MYO9A: variants seen among roughly 807,000 people sequenced by gnomAD.
MYO9A encodes myosin IXA, also known as unconventional myosin-IXa.
A neutral mutation model predicts 293.3 loss-of-function variants in MYO9A; 103 were observed. That is an observed-to-expected ratio of 0.35 (90% CI 0.30 to 0.41). The LOEUF (loss-of-function observed/expected upper bound fraction) is 0.41, where lower values mean the gene tolerates loss of function less well. Ranked by LOEUF, MYO9A falls within the 10% of genes least tolerant of loss-of-function variation. The probability of loss-of-function intolerance (pLI) is 1.00; values close to 1 mark genes in which losing one functional copy is unlikely to be tolerated. For synonymous variants in MYO9A, 1,001 were observed against 1,035.7 expected (o/e 0.97, Z 0.64); for missense variants, 2,685 against 3,033.0 (o/e 0.89, Z 2.69).
intron 11 of MYO9A, among the ~76,000 whole-genome samples, chr15:71,980,998 A>G (rs1362838534): frequency 6.6e-6 from 1 of 152,238 alleles, no homozygotes; most frequent in Non-Finnish European, 1.5e-5. Flanking sequence ...CTAGTTTAAA[A>G]GAAAAAAAGG....
intron 18 of MYO9A, among the ~76,000 whole-genome samples, chr15:71,928,762 T>G (rs2058396216): frequency 6.6e-6 from 1 of 152,132 alleles, no homozygotes; most frequent in Admixed American, 6.5e-5. Flanking sequence ...GTTTATAAAA[T>G]GCTACTGATT....
At chr15:71,839,709 C>T (rs951413911) in intron 39 of MYO9A, among the ~76,000 whole-genome samples, 2 of 152,150 alleles carry the variant, frequency 1.3e-5, no homozygotes, top group Non-Finnish European at 1.5e-5. Flanking sequence ...TGTGCCTGGC[C>T]TGAATCGGCT....
intron 2 of MYO9A, among the ~76,000 whole-genome samples, chr15:72,038,009 A>G (rs2149526454): frequency 6.6e-6 from 1 of 150,996 alleles, no homozygotes; most frequent in Middle Eastern, 3.4e-3. Flanking sequence ...CAACTTCCTG[A>G]GCTCAAGCCA....
chr15:72,001,555 A>C (rs2076866284), intron 8 of MYO9A, among the ~76,000 whole-genome samples: 1 of 100,846 alleles, frequency 9.9e-6, no homozygotes, highest in Admixed American at 1.1e-4. Flanking sequence ...CTCCATCTCA[A>C]AAAAAAAAAA....
intron 13 of MYO9A, among the ~76,000 whole-genome samples, chr15:71,964,281 A>G (rs2075815971): frequency 6.6e-6 from 1 of 151,992 alleles, no homozygotes; most frequent in Non-Finnish European, 1.5e-5. Flanking sequence ...TTCTGGTCTT[A>G]TTTTTATACC....
intron 18 of MYO9A, among the ~76,000 whole-genome samples, chr15:71,923,341 G>C (rs2058206991): frequency 6.6e-6 from 1 of 152,020 alleles, no homozygotes; most frequent in Admixed American, 6.6e-5. Context: ...TTTCTTTTTT[G>C]TTGTGTTCTT....
chr15:71,846,607 G>A (rs1381640409), intron 39 of MYO9A, among the ~76,000 whole-genome samples: 1 of 152,182 alleles, frequency 6.6e-6, no homozygotes, highest in Non-Finnish European at 1.5e-5. Flanking sequence ...TAATGGGAAA[G>A]GGAAGTTTGA....
At position 71,999,874 on chromosome 15, in the gene MYO9A, T is replaced by A. The variant is rs1200257140; in HGVS notation, c.1447A>T (p.Ile483Phe). ...RKTVTVGEKLILPYKLAEAVT... is the reference protein window; with the variant it reads ...RKTVTVGEKLFLPYKLAEAVT... ...ACCTCTGCCAACTTGTATGGCAAAA[T>A]AAGCTTTTCTCCCACTGTCACCGTC... is the stretch of plus-strand genomic sequence containing the variant. The change falls in exon 9 of 42, where the codon ATT (isoleucine) becomes TTT (phenylalanine). Residue 483 changes from isoleucine (I) to phenylalanine (F), a missense_variant. Coordinates refer to ENST00000356056, the MANE Select transcript of MYO9A (RefSeq NM_006901.4). The A allele has an allele frequency of 6.2e-7, 1 of 1,612,232 alleles. No individual in the cohort carries two copies. The highest frequency in any genetic ancestry group is 2.2e-5 in the East Asian group (1 of 44,680).
chr15:71,948,917 G>T (rs553130049), intron 15 of MYO9A, among the ~76,000 whole-genome samples: 1 of 137,282 alleles, frequency 7.3e-6, no homozygotes, highest in African/African-American at 2.7e-5. Context: ...GACTCAAACT[G>T]CAAATACAGA....
Position 72,074,951 on chromosome 15 carries a change from C to CTTT in MYO9A, c.-71-28320_-71-28318dup, listed in dbSNP as rs750462703. Among the ~76,000 whole-genome samples the CTTT allele has an allele frequency of 8.5e-3, 450 of 53,122 alleles. 78 individuals are homozygous for CTTT. The highest frequency in any genetic ancestry group is 0.02 in the African/African-American group (275 of 13,658). The allele number at this position is 53,122 out of a possible 152,430, so 34.9% of individuals were successfully genotyped here. On this transcript the variant is annotated intron_variant, in intron 1 of 41. Transcript: ENST00000356056. Reference sequence around the variant, plus strand: ...CAGTTAGAAATTTCATTTTCACTGCCTTTTTTTTTTTTTTTTTTTTTTTTT... The same window carrying CTTT: ...CAGTTAGAAATTTCATTTTCACTGCCTTTTTTTTTTTTTTTTTTTTTTTTTTTT...
chr15:71,906,390 A>G (rs914236818), intron 19 of MYO9A, among the ~76,000 whole-genome samples: 3 of 152,190 alleles, frequency 2.0e-5, no homozygotes, highest in Admixed American at 2.0e-4. Context: ...TACCCTGTCA[A>G]TTACCAAGAG....
Position 72,099,422 on chromosome 15 carries a change from C to CAAAAA in MYO9A, c.-72+18253_-72+18257dup, listed in dbSNP as rs57019438. Among the ~76,000 whole-genome samples, 668 of 88,508 alleles carry CAAAAA rather than the reference C, an allele frequency of 7.5e-3. 20 individuals carry two copies. The highest frequency in any genetic ancestry group is 0.023 in the Middle Eastern group (2 of 88). 58.1% of individuals were successfully genotyped at this position (88,508 alleles called of 152,430 possible). A position where few individuals can be genotyped will look rare whatever the true frequency, so the allele number is the denominator to read the frequency against. On this transcript the variant is annotated intron_variant, in intron 1 of 41. Coordinates refer to ENST00000356056, the MANE Select transcript of MYO9A (RefSeq NM_006901.4). ...TGGGCAATAGAGCAAGACCCTGCCCCAAAAAAAAAAAAAAAAAAAAGAAAA... is the reference window on the plus strand; with the variant it reads ...TGGGCAATAGAGCAAGACCCTGCCCCAAAAAAAAAAAAAAAAAAAAAAAAAGAAAA...
chr15:72,088,048 T>C (rs1185211480), intron 1 of MYO9A, among the ~76,000 whole-genome samples: 1 of 152,086 alleles, frequency 6.6e-6, no homozygotes, highest in African/African-American at 2.4e-5. Context: ...AAAAAGGTCA[T>C]GGAAGGATAC....
intron 1 of MYO9A, among the ~76,000 whole-genome samples, chr15:72,101,138 G>C (rs2080291602): frequency 7.1e-6 from 1 of 140,606 alleles, no homozygotes; most frequent in East Asian, 2.3e-4. Flanking sequence ...CTCCCGCCCG[G>C]CCAGCCGCCC....
At chr15:71,964,263 G>A (rs1018003848) in intron 13 of MYO9A, among the ~76,000 whole-genome samples, 1 of 151,934 alleles carries the variant, frequency 6.6e-6, no homozygotes, top group African/African-American at 2.4e-5. Flanking sequence ...GCTTTATATT[G>A]CACTGATTTC....
chr15:71,994,785 T>C (rs2076649782), intron 9 of MYO9A, among the ~76,000 whole-genome samples, 200 bp from the exon 10 acceptor site: 1 of 152,284 alleles, frequency 6.6e-6, no homozygotes, highest in Non-Finnish European at 1.5e-5. Flanking sequence ...CACGCTGGAA[T>C]GCAATGGTGC....
intron 32 of MYO9A, among the ~76,000 whole-genome samples, chr15:71,873,850 A>G (rs2056598763): frequency 6.6e-6 from 1 of 152,228 alleles, no homozygotes; most frequent in Non-Finnish European, 1.5e-5. Flanking sequence ...TTTAAGGCTT[A>G]AAGTATATAA....
chr15:72,046,073 T>A lies in MYO9A; in HGVS notation c.491A>T (p.Glu164Val). The change falls in exon 2 of 42, where the codon GAA becomes GTA. Residue 164 changes from glutamate (E) to valine (V), a missense_variant. This residue lies in a region of MYO9A where 289 missense variants were observed against 456.8 expected (regional missense o/e 0.63). Coordinates refer to ENST00000356056, the MANE Select transcript of MYO9A (RefSeq NM_006901.4). ...ATGCTTAAAGCGATTTCGTAGGTTT[T>A]CTAAGAGAGTTTTCTCATTCAAATC... The part of the protein sequence containing the change: ...LPDLNEKTLL[E>V]NLRNRFKHEK... The A allele has an allele frequency of 6.2e-7, 1 of 1,613,806 alleles. No homozygotes were observed. The highest frequency in any genetic ancestry group is 8.5e-7 in the Non-Finnish European group (1 of 1,179,922).
At position 72,021,871 on chromosome 15, in the gene MYO9A, C is replaced by T. The variant is rs147801750; in HGVS notation, c.999-854G>A. Among the ~76,000 whole-genome samples, 431 of 152,176 alleles carry T rather than the reference C, an allele frequency of 2.8e-3. 19 individuals carry two copies. Among genetic ancestry groups the T allele is most frequent in the Admixed American group, 0.022 (330 of 15,284 alleles). On this transcript the variant is annotated intron_variant, in intron 4 of 41. Coordinates refer to ENST00000356056, the MANE Select transcript of MYO9A (RefSeq NM_006901.4). ...TAACAGATGAAATATAAACTCTCAC[C>T]TCTGGTTAACTTTGAAACCCTGCAC... is the stretch of plus-strand genomic sequence containing the variant.
Sources: gnomAD v4.1 joint callset for allele counts (sites outside exome capture counted in the v4.1 genomes callset) on GRCh38, gnomAD v4.1.1 for gene constraint, gnomAD v4.1.1 regional missense constraint, MANE v1.5 for transcripts, NCBI Gene and HGNC (gene_info 2026-07-23, HGNC 2026-07-21) for gene names.